DYM: variants seen among roughly 807,000 people sequenced by gnomAD.
DYM encodes dyggve-Melchior-Clausen syndrome protein.
DYM carries 78 observed loss-of-function variants against 93.1 expected under a neutral mutation model. The observed-to-expected ratio is 0.84, with a 90% confidence interval of 0.70 to 1.01. DYM has a LOEUF of 1.01. DYM is among the 50% of genes least tolerant of loss of function. DYM has a pLI of 0.00. For missense variants in DYM, 789 were observed against 845.0 expected, an observed-to-expected ratio of 0.93 and a Z score of 0.82; for synonymous variants, 321 against 319.7, an observed-to-expected ratio of 1.00 and a Z score of -0.04.
intron 17 of DYM, among the ~76,000 whole-genome samples, chr18:49,067,845 C>T (rs962375757): frequency 6.6e-6 from 1 of 152,056 alleles, no homozygotes; most frequent in African/African-American, 2.4e-5. Context: ...TACTAGAATA[C>T]TGAGCCCCCG....
intron 1 of DYM, among the ~76,000 whole-genome samples, chr18:49,454,802 G>A (rs1239309614): frequency 1.3e-5 from 2 of 151,210 alleles, no homozygotes; most frequent in Non-Finnish European, 2.9e-5. Context: ...CAGCTACTCA[G>A]GAGGCTGAGG....
intron 6 of DYM, among the ~76,000 whole-genome samples, chr18:49,340,245 C>T (rs933203321): frequency 6.6e-6 from 1 of 152,044 alleles, no homozygotes; most frequent in Non-Finnish European, 1.5e-5. Flanking sequence ...AGCCACTGCA[C>T]CCGGCCCACG....
intron 8 of DYM, among the ~76,000 whole-genome samples, chr18:49,303,804 CTTAATA>C (rs2061100173): frequency 6.6e-6 from 1 of 152,212 alleles, no homozygotes; most frequent in Admixed American, 6.5e-5. Flanking sequence ...TTAATACCAA[CTTAATA>C]TTAATTTACT....
chr18:49,441,276 T>TTATATATATATATATAATTATATAA (rs1568454725), intron 1 of DYM, among the ~76,000 whole-genome samples: 1 of 43,296 alleles, frequency 2.3e-5, no homozygotes, highest in African/African-American at 9.3e-5. Context: ...ATAATATATA[T>TTATATATATATATATAATTATATAA]TATATAATTA....
At chr18:49,338,164 G>A (rs184495921) in intron 6 of DYM, among the ~76,000 whole-genome samples, 14 of 152,276 alleles carry the variant, frequency 9.2e-5, no homozygotes, top group Admixed American at 9.2e-4. Context: ...CTCCTTAGCA[G>A]CACTAACCAA....
intron 10 of DYM, among the ~76,000 whole-genome samples, chr18:49,274,518 T>C (rs2094799175): frequency 6.6e-6 from 1 of 152,182 alleles, no homozygotes; most frequent in Admixed American, 6.6e-5. Context: ...AGCCTTGGAA[T>C]TGCTGGATCA....
chr18:49,091,979 G>C (rs552491496), intron 17 of DYM, among the ~76,000 whole-genome samples: 1 of 152,000 alleles, frequency 6.6e-6, no homozygotes, highest in East Asian at 1.9e-4. Context: ...CAATTTAATG[G>C]GTCTGACTAG....
At chr18:49,079,147 G>A (rs1024096997) in intron 17 of DYM, among the ~76,000 whole-genome samples, 4 of 151,720 alleles carry the variant, frequency 2.6e-5, no homozygotes, top group Non-Finnish European at 5.9e-5. Flanking sequence ...TCTATTTCTC[G>A]GCTGAGACAT....
At chr18:49,073,828 A>AT (rs1375848666) in intron 17 of DYM, among the ~76,000 whole-genome samples, 18 of 151,984 alleles carry the variant, frequency 1.2e-4, no homozygotes, top group African/African-American at 4.4e-4. Context: ...CACAAGACAC[A>AT]TTCTTTTTTT....
intron 17 of DYM, among the ~76,000 whole-genome samples, chr18:49,084,939 T>A (rs189117592): frequency 1.3e-5 from 2 of 152,312 alleles, no homozygotes; most frequent in Admixed American, 1.3e-4. Flanking sequence ...AGAGGGTATA[T>A]TGGGACTTCT....
chr18:49,090,297 C>A (rs1366155639), intron 17 of DYM, among the ~76,000 whole-genome samples: 1 of 152,188 alleles, frequency 6.6e-6, no homozygotes, highest in East Asian at 1.9e-4. Flanking sequence ...GAAATGTCAT[C>A]TCTCCTTTGA....
chr18:49,368,854 AG>A (rs2066746723), intron 5 of DYM: 1 of 151,038 alleles, frequency 6.6e-6, no homozygotes, highest in East Asian at 1.9e-4. Context: ...TGTGTTAGAC[AG>A]GGGGTAATTA....
intron 8 of DYM, among the ~76,000 whole-genome samples, chr18:49,310,246 CA>C (rs1366705511): frequency 6.6e-6 from 1 of 152,158 alleles, no homozygotes; most frequent in African/African-American, 2.4e-5. Flanking sequence ...ACATGGGATT[CA>C]GTCTGTTTAA....
chr18:49,383,976 T>C lies in DYM; in HGVS notation c.194-4218A>G, dbSNP rs370033896. On this transcript the variant is annotated intron_variant, in intron 3 of 17. Coordinates refer to ENST00000675505, the MANE Select transcript of DYM (RefSeq NM_001353214.3). ...AATCAACAGTAGACAACAGGAAAAT[T>C]AATCACCTATTTTTTAAAAAAGAAC... 4.9e-4 allele frequency among the ~76,000 whole-genome samples: 74 copies of C among 152,044 alleles called. 1 individual carries two copies. Among genetic ancestry groups the C allele is most frequent in the South Asian group, 4.2e-3 (20 of 4,812 alleles).
chr18:49,360,787 G>C (rs538511226), intron 6 of DYM, among the ~76,000 whole-genome samples: 46 of 152,290 alleles, frequency 3.0e-4, no homozygotes, highest in African/African-American at 1.1e-3. Context: ...GCCTAAGCAA[G>C]ATAGGTATCT....
chr18:49,194,225 T>TG lies in DYM; in HGVS notation c.1625+15325dup, dbSNP rs2091234586. ...CAGCCCAGAGGAAGAGCATCCAACT[T>TG]GAGGAATTTTGTATCCAATCCAAAT... On this transcript the variant is annotated intron_variant, in intron 14 of 17. Coordinates refer to ENST00000675505, the MANE Select transcript of DYM (RefSeq NM_001353214.3). 2.6e-5 allele frequency among the ~76,000 whole-genome samples: 4 copies of TG among 152,372 alleles called. No individual in the cohort carries two copies. In the East Asian group the frequency reaches 7.7e-4, roughly 29 times the overall value.
intron 8 of DYM, among the ~76,000 whole-genome samples, chr18:49,314,799 G>A (rs879398797): frequency 2.0e-5 from 3 of 152,050 alleles, no homozygotes; most frequent in Non-Finnish European, 4.4e-5. Flanking sequence ...CGTATGATTG[G>A]CTTCTGTACA....
chr18:49,149,123 G>A (rs570813779), intron 15 of DYM, among the ~76,000 whole-genome samples: 29 of 152,198 alleles, frequency 1.9e-4, no homozygotes, highest in Non-Finnish European at 3.5e-4. Context: ...GATCCTTTGC[G>A]TGTACAGTTC....
intron 17 of DYM, among the ~76,000 whole-genome samples, chr18:49,078,590 C>T (rs1223834048): frequency 6.6e-6 from 1 of 152,148 alleles, no homozygotes; most frequent in African/African-American, 2.4e-5. Flanking sequence ...CTCTCTTCAG[C>T]ATTTATGCTT....
Sources: allele counts gnomAD v4.1 joint callset (sites outside exome capture counted in the v4.1 genomes callset), GRCh38; gene constraint gnomAD v4.1.1; transcripts MANE v1.5; gene names NCBI Gene and HGNC (gene_info 2026-07-23, HGNC 2026-07-21).